The following SLC23A2 variants were observed in gnomAD, a reference collection of about 807,000 sequenced individuals.
SLC23A2 encodes Na(+)/L-ascorbic acid transporter 2.
SLC23A2 carries 36 observed loss-of-function variants against 73.3 expected under a neutral mutation model. The observed-to-expected ratio is 0.49, with a 90% CI of 0.38 to 0.65. SLC23A2 has a LOEUF of 0.65. Ranked by LOEUF, SLC23A2 falls within the 30% of genes least tolerant of loss-of-function variation. SLC23A2 has a pLI of 0.00. For synonymous variants in SLC23A2, 343 were observed against 327.3 expected, an observed-to-expected ratio of 1.05 and a Z score of -0.52; for missense variants, 507 against 841.6, an observed-to-expected ratio of 0.60 and a Z score of 4.92.
intron 11 of SLC23A2, among the ~76,000 whole-genome samples, chr20:4,871,987 T>A (rs1457946727): frequency 2.0e-5 from 3 of 151,998 alleles, no homozygotes; most frequent in Non-Finnish European, 4.4e-5. Context: ...TATATATCTA[T>A]ATATCTATAT....
chr20:4,997,792 T>TTTTTATTTTATTTTA (rs58117784), intron 1 of SLC23A2, among the ~76,000 whole-genome samples: 25 of 150,208 alleles, frequency 1.7e-4, no homozygotes, highest in Admixed American at 9.3e-4. Flanking sequence ...TCCAGCGAAT[T>TTTTTATTTTATTTTA]TTTTATTTTA....
At chr20:4,940,425 C>T (rs902426216) in intron 2 of SLC23A2, among the ~76,000 whole-genome samples, 1 of 151,296 alleles carries the variant, frequency 6.6e-6, no homozygotes, top group Non-Finnish European at 1.5e-5. Flanking sequence ...AACAGAAGTT[C>T]AACAAGTATG....
At chr20:4,924,905 C>T (rs139486851) in intron 3 of SLC23A2, among the ~76,000 whole-genome samples, 185 of 152,320 alleles carry the variant, frequency 1.2e-3, no homozygotes, top group African/African-American at 4.2e-3. Flanking sequence ...AGCCCTGTGG[C>T]CAGGCAAAGT....
intron 1 of SLC23A2, among the ~76,000 whole-genome samples, chr20:4,990,470 A>G (rs1165704639): frequency 2.0e-5 from 3 of 151,866 alleles, no homozygotes; most frequent in Middle Eastern, 3.4e-3. Context: ...CCTGGGTTCA[A>G]TTGATTCCCA....
intron 6 of SLC23A2, among the ~76,000 whole-genome samples, chr20:4,894,140 G>A (rs1167902254): frequency 6.6e-6 from 1 of 152,180 alleles, no homozygotes; most frequent in Non-Finnish European, 1.5e-5. Context: ...ACCAGAATGA[G>A]AACTGTTGAA....
At chr20:4,984,820 T>C (rs942053667) in intron 1 of SLC23A2, among the ~76,000 whole-genome samples, 10 of 151,750 alleles carry the variant, frequency 6.6e-5, no homozygotes, top group African/African-American at 2.4e-4. Flanking sequence ...CTTTGTAAAA[T>C]GGTTTGGCAG....
intron 1 of SLC23A2, among the ~76,000 whole-genome samples, chr20:4,979,465 G>A (rs1156940404): frequency 6.6e-6 from 1 of 151,880 alleles, no homozygotes; most frequent in Non-Finnish European, 1.5e-5. Flanking sequence ...AACACTTTGG[G>A]AAGCCCAGGC....
At position 4,883,830 on chromosome 20, in the gene SLC23A2, C is replaced by T. The variant is rs368891955; in HGVS notation, c.643-7G>A. ...TGATGATGGCCCCCTGGATCTGCAA[C>T]AAGAGATGGCACAGACATGAGAGTG... is the stretch of plus-strand genomic sequence containing the variant. On this transcript the variant is annotated splice_region_variant and splice_polypyrimidine_tract_variant and intron_variant, in intron 8 of 16. Coordinates refer to ENST00000338244, the MANE Select transcript of SLC23A2 (RefSeq NM_005116.6). This position sits in a 1 kb window ranked among gnomAD's most constrained non-coding sequence, Gnocchi z 4.5. 13 of 1,600,242 alleles carry T rather than the reference C, an allele frequency of 8.1e-6. No individual in the cohort carries two copies. In the South Asian group the frequency reaches 1.0e-4, roughly 12 times the overall value.
chr20:4,859,534 A>T, intron 15 of SLC23A2, 150 bp from the exon 16 acceptor site: 2 of 646,888 alleles, frequency 3.1e-6, no homozygotes. Context: ...ATGTAGATGA[A>T]TTTTTGCCAG....
At chr20:4,867,985 C>T (rs1930271896) in intron 12 of SLC23A2, 110 bp from the exon 13 acceptor site, 1 of 624,012 alleles carries the variant, frequency 1.6e-6, no homozygotes, top group Non-Finnish European at 2.8e-6. Flanking sequence ...GAGCCTGCAG[C>T]TTCCACATCT....
At chr20:4,893,105 C>G (rs1404184378) in intron 6 of SLC23A2, among the ~76,000 whole-genome samples, 3 of 151,790 alleles carry the variant, frequency 2.0e-5, no homozygotes, top group Non-Finnish European at 4.4e-5. Context: ...CGCTCTGTCT[C>G]CCAGGCTGGA....
At position 4,998,906 on chromosome 20, in the gene SLC23A2, G is replaced by A. The variant is rs2088069468; in HGVS notation, c.-282+2500C>T. 6.6e-6 allele frequency among the ~76,000 whole-genome samples: 1 copy of A among 150,752 alleles called. No homozygotes were observed. The highest frequency in any genetic ancestry group is 1.5e-5 in the Non-Finnish European group (1 of 67,866). ...TGCAAACTCCACCTCCCAGGTTCAA[G>A]CGATTCTCCTGCCTCAGCCTCCTGA... On this transcript the variant is annotated intron_variant, in intron 1 of 16. Transcript: ENST00000338244. This position sits in a 1 kb window ranked among gnomAD's most constrained non-coding sequence, Gnocchi z 4.1.
intron 16 of SLC23A2, among the ~76,000 whole-genome samples, chr20:4,858,332 C>T (rs1285487024): frequency 2.0e-5 from 3 of 152,208 alleles, no homozygotes; most frequent in Admixed American, 6.5e-5. Flanking sequence ...TATCTAAGCT[C>T]TGCTCTCTCA....
At chr20:4,917,004 A>C (rs1275312937) in intron 3 of SLC23A2, among the ~76,000 whole-genome samples, 1 of 152,132 alleles carries the variant, frequency 6.6e-6, no homozygotes, top group Admixed American at 6.5e-5. Context: ...AAATGCAGAC[A>C]CTCCTAAGCC....
chr20:4,982,559 C>T (rs1245719943), intron 1 of SLC23A2, among the ~76,000 whole-genome samples: 1 of 152,118 alleles, frequency 6.6e-6, no homozygotes, highest in Non-Finnish European at 1.5e-5. Flanking sequence ...ATAGTCAAAA[C>T]AATCTTGAAA....
intron 3 of SLC23A2, among the ~76,000 whole-genome samples, chr20:4,921,016 T>C (rs1349329996): frequency 6.6e-6 from 1 of 152,234 alleles, no homozygotes; most frequent in East Asian, 1.9e-4. Context: ...GCAGAAGTGT[T>C]TGGCTTCACT....
chr20:4,874,023 C>G lies in SLC23A2; in HGVS notation c.1015G>C (p.Asp339His). Residue 339 changes from aspartate (D) to histidine (H), a missense_variant, in exon 11 of 17, where the codon GAC becomes CAC. Coordinates refer to ENST00000338244, the MANE Select transcript of SLC23A2 (RefSeq NM_005116.6). Reference protein sequence around the residue: ...IFTVTDVFPPDSTKYGFYART... With the variant: ...IFTVTDVFPPHSTKYGFYART... ...GCATAGAAGCCATACTTTGTGCTGT[C>G]GGGAGGGAAGACATCTGTCACCGTG... 1 of 1,614,104 alleles carries G rather than the reference C, an allele frequency of 6.2e-7. No individual in the cohort carries two copies. The highest frequency in any genetic ancestry group is 1.1e-5 in the South Asian group (1 of 91,078).
chr20:4,988,861 A>C (rs909632935), intron 1 of SLC23A2, among the ~76,000 whole-genome samples: 2 of 151,974 alleles, frequency 1.3e-5, no homozygotes, highest in Non-Finnish European at 2.9e-5. Context: ...CAGTGAGCCA[A>C]GATTGCGCCA....
At chr20:4,981,794 C>A (rs185432135) in intron 1 of SLC23A2, among the ~76,000 whole-genome samples, 7 of 151,678 alleles carry the variant, frequency 4.6e-5, no homozygotes, top group Admixed American at 1.3e-4. Flanking sequence ...CTCCACCCCC[C>A]AGGTTCAAGC....
Sources: gnomAD v4.1 joint callset for allele counts (sites outside exome capture counted in the v4.1 genomes callset) on GRCh38, gnomAD v4.1.1 for gene constraint, Gnocchi (gnomAD v3.1) non-coding constraint, MANE v1.5 for transcripts, NCBI Gene and HGNC (gene_info 2026-07-23, HGNC 2026-07-21) for gene names.